The following IFT56 variants were observed in gnomAD, a reference collection of about 807,000 sequenced individuals.
IFT56 encodes intraflagellar transport protein 56.
the IFT56 span, chr7:139,179,508 C>A: frequency 7.4e-7 from 1 of 1,342,832 alleles, no homozygotes; most frequent in Non-Finnish European, 1.1e-6. Flanking sequence ...TAAGGCAAGC[C>A]AATAATGGGT....
the IFT56 span, among the ~76,000 whole-genome samples, chr7:139,151,804 G>A: frequency 2.6e-3 from 395 of 152,344 alleles, no homozygotes; most frequent in Middle Eastern, 0.01. Flanking sequence ...GCTCACGCCT[G>A]TAATCCCAGA....
chr7:139,176,988 A>T, the IFT56 span, among the ~76,000 whole-genome samples: 1 of 151,944 alleles, frequency 6.6e-6, no homozygotes, highest in Non-Finnish European at 1.5e-5. Flanking sequence ...TCTGGCCAAC[A>T]TGGTGGAACC....
the IFT56 span, among the ~76,000 whole-genome samples, chr7:139,147,459 T>G: frequency 6.6e-6 from 1 of 152,218 alleles, no homozygotes; most frequent in African/African-American, 2.4e-5. Flanking sequence ...TCAGGCTTTC[T>G]CTACCTTTTT....
At chr7:139,163,524 C>T in the IFT56 span, among the ~76,000 whole-genome samples, 1 of 151,854 alleles carries the variant, frequency 6.6e-6, no homozygotes, top group African/African-American at 2.4e-5. Context: ...AGAGCAGAAG[C>T]CAATGTTTTG....
the IFT56 span, chr7:139,134,657 G>T: frequency 6.2e-7 from 1 of 1,604,718 alleles, no homozygotes; most frequent in Admixed American, 1.7e-5. Flanking sequence ...TTTTACAGAT[G>T]CTTTCAAGGG....
At chr7:139,181,905 T>A in the IFT56 span, among the ~76,000 whole-genome samples, 2 of 152,168 alleles carry the variant, frequency 1.3e-5, no homozygotes, top group African/African-American at 4.8e-5. Context: ...ATGAAGTACA[T>A]GACTGGATTA....
chr7:139,184,811 T>TTAGGAAACCAAAG, the IFT56 span, among the ~76,000 whole-genome samples: 1 of 152,060 alleles, frequency 6.6e-6, no homozygotes, highest in African/African-American at 2.4e-5. Context: ...TCCCAGCACT[T>TTAGGAAACCAAAG]TGGGAGGCTG....
At chr7:139,186,428 A>T in the IFT56 span, among the ~76,000 whole-genome samples, 1 of 138,578 alleles carries the variant, frequency 7.2e-6, no homozygotes, top group East Asian at 2.0e-4. Context: ...CCTATCTCTA[A>T]AAAAAAAAAA....
chr7:139,168,253 A>G, the IFT56 span: 31 of 748,718 alleles, frequency 4.1e-5, no homozygotes, highest in East Asian at 7.9e-5. Context: ...TTGATACTTT[A>G]TATAAAGTAT....
At chr7:139,157,899 T>C in the IFT56 span, among the ~76,000 whole-genome samples, 6 of 152,254 alleles carry the variant, frequency 3.9e-5, no homozygotes, top group East Asian at 5.8e-4. Context: ...ATATAATCAG[T>C]GAAGTAAGAT....
the IFT56 span, among the ~76,000 whole-genome samples, chr7:139,149,728 C>T: frequency 1.3e-5 from 2 of 152,024 alleles, no homozygotes; most frequent in African/African-American, 2.4e-5. Flanking sequence ...ATTTAGTTTC[C>T]CTGACAAGCC....
At chr7:139,149,805 A>T in the IFT56 span, among the ~76,000 whole-genome samples, 1 of 152,152 alleles carries the variant, frequency 6.6e-6, no homozygotes, top group East Asian at 1.9e-4. Flanking sequence ...GCCATAGATT[A>T]TTACCTCCTT....
At chr7:139,137,817 A>G in the IFT56 span, 2 of 1,583,392 alleles carry the variant, frequency 1.3e-6, no homozygotes, top group African/African-American at 1.4e-5. Context: ...CAAAATTTTC[A>G]TGTTTTTTAA....
chr7:139,145,833 G>T, the IFT56 span, among the ~76,000 whole-genome samples: 1 of 152,012 alleles, frequency 6.6e-6, no homozygotes, highest in Non-Finnish European at 1.5e-5. Context: ...TGAATTTAAA[G>T]AAATATATTT....
the IFT56 span, among the ~76,000 whole-genome samples, chr7:139,158,622 A>G: frequency 5.3e-5 from 8 of 152,104 alleles, no homozygotes; most frequent in South Asian, 1.7e-3. Flanking sequence ...CTATTGTTAA[A>G]TCAACTTTAG....
At chr7:139,177,612 G>T in the IFT56 span, among the ~76,000 whole-genome samples, 1,598 of 90,018 alleles carry the variant, frequency 0.018, 13 homozygotes, top group Admixed American at 0.017. Flanking sequence ...TATATATATA[G>T]TGTGTGTGTG....
the IFT56 span, chr7:139,179,710 C>T: frequency 7.8e-6 from 10 of 1,288,498 alleles, no homozygotes; most frequent in African/African-American, 4.5e-5. Flanking sequence ...ATAATCTGTT[C>T]GGAAATGACA....
chr7:139,163,523 G>A, the IFT56 span, among the ~76,000 whole-genome samples: 1 of 152,152 alleles, frequency 6.6e-6, no homozygotes, highest in Non-Finnish European at 1.5e-5. Flanking sequence ...GAGAGCAGAA[G>A]CCAATGTTTT....
chr7:139,167,409 A>G, the IFT56 span, among the ~76,000 whole-genome samples: 1 of 152,282 alleles, frequency 6.6e-6, no homozygotes, highest in South Asian at 2.1e-4. Flanking sequence ...TATATTTCTC[A>G]AGTATATTAA....
Sources: gnomAD v4.1 joint callset for allele counts (sites outside exome capture counted in the v4.1 genomes callset) on GRCh38, gnomAD v4.1.1 for gene constraint, MANE v1.5 for transcripts, NCBI Gene and HGNC (gene_info 2026-07-23, HGNC 2026-07-21) for gene names.